Variants in AXDND1 observed in about 807,000 individuals in gnomAD.
AXDND1 encodes axonemal dynein light chain domain-containing protein 1.
Under a neutral mutation model 137.5 loss-of-function variants are expected in AXDND1, and 110 were observed. The observed-to-expected ratio is 0.80, with a 90% CI of 0.69 to 0.94. The LOEUF (loss-of-function observed/expected upper bound fraction) is 0.94, where lower values mean the gene tolerates loss of function less well. AXDND1 is among the 40% of genes least tolerant of loss of function. The probability of loss-of-function intolerance (pLI) is 0.00; values close to 1 mark genes in which losing one functional copy is unlikely to be tolerated. For missense variants in AXDND1, 1,191 were observed against 1,169.8 expected (o/e 1.02, Z -0.26); for synonymous variants, 414 against 399.7 (o/e 1.04, Z -0.43).
intron 20 of AXDND1, among the ~76,000 whole-genome samples, chr1:179,505,557 A>G (rs1668454473): frequency 6.6e-6 from 1 of 151,924 alleles, no homozygotes; most frequent in South Asian, 2.1e-4. Context: ...TTGAGGCAGG[A>G]GAATCCCTTG....
At chr1:179,450,417 A>T (rs1660389498) in intron 16 of AXDND1, 1 of 152,202 alleles carries the variant, frequency 6.6e-6, no homozygotes, top group Non-Finnish European at 1.5e-5. Context: ...TCTTGTCCTT[A>T]GTAGGAAAGC....
rs755534956 is a variant in AXDND1, at chr1:179,366,463, C to T, written c.-47C>T. ...CTGATTTGTGTCTAAATTAGCTTTC[C>T]GGAGGACTATTTCAAATTACTAAAG... is the stretch of plus-strand genomic sequence containing the variant. On this transcript the variant is annotated 5_prime_UTR_variant, in exon 2 of 26. Coordinates refer to ENST00000367618, the MANE Select transcript of AXDND1 (RefSeq NM_144696.6). The T allele has an allele frequency of 2.0e-6, 3 of 1,500,198 alleles. No homozygotes were observed. Among genetic ancestry groups the T allele is most frequent in the Non-Finnish European group, 2.8e-6 (3 of 1,078,632 alleles). 92.9% of individuals were successfully genotyped at this position (1,500,198 alleles called of 1,614,324 possible).
intron 11 of AXDND1, among the ~76,000 whole-genome samples, chr1:179,404,371 G>A (rs960049815): frequency 2.6e-5 from 4 of 151,688 alleles, no homozygotes; most frequent in Admixed American, 6.6e-5. Context: ...ACAGGCATCC[G>A]CCACCACACC....
At chr1:179,414,610 A>G (rs1654411678) in intron 12 of AXDND1, among the ~76,000 whole-genome samples, 1 of 152,032 alleles carries the variant, frequency 6.6e-6, no homozygotes, top group South Asian at 2.1e-4. Context: ...TATTTTTAGT[A>G]GAGAGGGGGT....
chr1:179,451,264 T>C (rs1259312250), intron 16 of AXDND1: 1 of 152,148 alleles, frequency 6.6e-6, no homozygotes, highest in Non-Finnish European at 1.5e-5. Flanking sequence ...TAACCTGCTC[T>C]TTAAGAGGTC....
chr1:179,506,326 C>T (rs1051383642), intron 20 of AXDND1, among the ~76,000 whole-genome samples: 1 of 152,182 alleles, frequency 6.6e-6, no homozygotes, highest in Non-Finnish European at 1.5e-5. Context: ...TGACCAGCAC[C>T]TGACAGTGCT....
At chr1:179,441,784 A>G (rs1340256517) in intron 15 of AXDND1, among the ~76,000 whole-genome samples, 2 of 152,190 alleles carry the variant, frequency 1.3e-5, no homozygotes, top group African/African-American at 4.8e-5. Context: ...ATTACCTAAC[A>G]GCATATCCTC....
intron 17 of AXDND1, among the ~76,000 whole-genome samples, chr1:179,471,699 T>G (rs1199960929): frequency 6.6e-6 from 1 of 152,210 alleles, no homozygotes; most frequent in Non-Finnish European, 1.5e-5. Context: ...TATTCTCTAT[T>G]GTATTAATTT....
At chr1:179,477,920 A>G (rs1664834518) in intron 17 of AXDND1, among the ~76,000 whole-genome samples, 1 of 152,204 alleles carries the variant, frequency 6.6e-6, no homozygotes, top group African/African-American at 2.4e-5. Context: ...AAATGGGAGA[A>G]ATTGGCCAAA....
intron 16 of AXDND1, among the ~76,000 whole-genome samples, chr1:179,458,367 G>A (rs953792706): frequency 2.7e-4 from 41 of 151,928 alleles, no homozygotes; most frequent in Admixed American, 2.0e-3. Context: ...TAAATAATTC[G>A]AAGCCTTAGA....
At position 179,533,849 on chromosome 1, in the gene AXDND1, G is replaced by T. The variant is rs776122123; in HGVS notation, c.2770G>T (p.Val924Leu). 6.2e-7 allele frequency: 1 copy of T among 1,613,220 alleles called. No homozygotes were observed. Among genetic ancestry groups the T allele is most frequent in the Non-Finnish European group, 8.5e-7 (1 of 1,179,390 alleles). The change falls in exon 24 of 26, where the codon GTA (valine) becomes TTA (leucine). Residue 924 changes from valine (V) to leucine (L), a missense_variant. Transcript: ENST00000367618. The stretch of plus-strand genomic sequence containing the variant: ...CCAAAAATATCTTGAAGCAATGGCT[G>T]TAATTGAACATATGCAGGAGAAGTT... ...LAQKYLEAMA[V>L]IEHMQEKLLE... is the part of the protein sequence containing the mutation.
intron 15 of AXDND1, among the ~76,000 whole-genome samples, chr1:179,442,050 A>G (rs957333763): frequency 2.2e-4 from 34 of 152,310 alleles, no homozygotes; most frequent in Admixed American, 2.0e-3. Context: ...GAGTGTGTTC[A>G]TGAATAACCT....
intron 17 of AXDND1, among the ~76,000 whole-genome samples, chr1:179,479,114 A>G (rs1664998982): frequency 6.6e-6 from 1 of 152,050 alleles, no homozygotes; most frequent in South Asian, 2.1e-4. Context: ...AAAAATAATA[A>G]TAAAATAAAT....
chr1:179,470,516 T>C (rs1038435284), intron 17 of AXDND1, among the ~76,000 whole-genome samples: 3 of 152,166 alleles, frequency 2.0e-5, no homozygotes, highest in African/African-American at 7.2e-5. Context: ...TCTTTTGTTA[T>C]ATTTACTCCT....
chr1:179,410,966 T>G (rs547457223), intron 11 of AXDND1, among the ~76,000 whole-genome samples, 180 bp from the exon 12 acceptor site: 2 of 152,334 alleles, frequency 1.3e-5, no homozygotes, highest in South Asian at 4.1e-4. Flanking sequence ...TGTGAGTATT[T>G]TTCTTCTATT....
intron 21 of AXDND1, among the ~76,000 whole-genome samples, chr1:179,511,735 A>AT (rs1669081835): frequency 6.6e-6 from 1 of 151,878 alleles, no homozygotes; most frequent in South Asian, 2.1e-4. Flanking sequence ...CCGTTTCTTG[A>AT]TTTTTTGATT....
At chr1:179,467,577 A>G (rs1331927926) in intron 16 of AXDND1, among the ~76,000 whole-genome samples, 1 of 152,240 alleles carries the variant, frequency 6.6e-6, no homozygotes, top group East Asian at 1.9e-4. Flanking sequence ...GGACTTGAGA[A>G]TCCATGGATT....
intron 21 of AXDND1, among the ~76,000 whole-genome samples, chr1:179,515,831 A>G (rs1273666538): frequency 6.6e-6 from 1 of 152,212 alleles, no homozygotes; most frequent in East Asian, 1.9e-4. Flanking sequence ...CATGCACTGC[A>G]TAAGGATGTT....
At chr1:179,528,492 T>A (rs187105477) in intron 23 of AXDND1, 61 bp downstream of exon 23, 18 of 1,191,476 alleles carry the variant, frequency 1.5e-5, no homozygotes, top group Non-Finnish European at 2.1e-5. Flanking sequence ...AAAAATGATA[T>A]GGTGCTAACA....
Sources: allele counts gnomAD v4.1 joint callset (sites outside exome capture counted in the v4.1 genomes callset), GRCh38; gene constraint gnomAD v4.1.1; transcripts MANE v1.5; gene names NCBI Gene and HGNC (gene_info 2026-07-23, HGNC 2026-07-21).